The following FAF1 variants were observed in gnomAD, a reference collection of about 807,000 sequenced individuals.
The protein encoded by FAF1 is Fas associated factor 1, also known as FAS-associated factor 1.
FAF1 carries 25 observed loss-of-function variants against 92.5 expected under a neutral mutation model. That is an observed-to-expected ratio of 0.27 (90% CI 0.20 to 0.38). FAF1 has a LOEUF of 0.38. Among genes scored for constraint, FAF1 ranks in the 10% least tolerant of loss-of-function variants. FAF1 has a pLI of 1.00. For synonymous variants in FAF1, 234 were observed against 273.2 expected (o/e 0.86, Z 1.42); for missense variants, 636 against 793.3 (o/e 0.80, Z 2.38).
intron 2 of FAF1, among the ~76,000 whole-genome samples, chr1:50,851,081 A>AT (rs57980948): frequency 0.12 from 15,639 of 135,416 alleles, 1,118 homozygotes; most frequent in South Asian, 0.27. Context: ...AGCAATTTAC[A>AT]TTTTTTTTTT....
At chr1:50,827,613 A>G (rs1644113648) in intron 2 of FAF1, among the ~76,000 whole-genome samples, 3 of 152,080 alleles carry the variant, frequency 2.0e-5, no homozygotes, top group South Asian at 2.1e-4. Flanking sequence ...AGAAACACCC[A>G]AGAATGATCA....
intron 7 of FAF1, among the ~76,000 whole-genome samples, chr1:50,661,172 T>A (rs1435146394): frequency 6.6e-6 from 1 of 152,168 alleles, no homozygotes; most frequent in East Asian, 1.9e-4. Context: ...TTTATTATAC[T>A]TTTTAAAAAA....
chr1:50,673,281 GA>G (rs1655979816), intron 7 of FAF1, among the ~76,000 whole-genome samples: 1 of 151,306 alleles, frequency 6.6e-6, no homozygotes, highest in Non-Finnish European at 1.5e-5. Flanking sequence ...AAAGAAAAAA[GA>G]AAATGCATAA....
At chr1:50,928,829 G>A (rs1224711574) in intron 1 of FAF1, among the ~76,000 whole-genome samples, 3 of 149,432 alleles carry the variant, frequency 2.0e-5, no homozygotes, top group African/African-American at 7.4e-5. Flanking sequence ...AGGCACAGTG[G>A]CGCATGCCTG....
At chr1:50,607,765 T>C (rs1436174672) in intron 8 of FAF1, among the ~76,000 whole-genome samples, 1 of 152,224 alleles carries the variant, frequency 6.6e-6, no homozygotes, top group African/African-American at 2.4e-5. Context: ...GTCAATCATA[T>C]CCAGTGACAC....
intron 7 of FAF1, among the ~76,000 whole-genome samples, chr1:50,702,394 A>G (rs918692713): frequency 2.6e-5 from 4 of 152,098 alleles, no homozygotes; most frequent in African/African-American, 9.7e-5. Context: ...GAAACTCACA[A>G]TTTTAAAGTG....
chr1:50,908,855 G>C (rs997170284), intron 1 of FAF1, among the ~76,000 whole-genome samples: 1 of 152,098 alleles, frequency 6.6e-6, no homozygotes, highest in Non-Finnish European at 1.5e-5. Context: ...CTTTTAATTG[G>C]AGCATTTAGC....
intron 4 of FAF1, among the ~76,000 whole-genome samples, chr1:50,767,073 C>A (rs1660603510): frequency 6.6e-6 from 1 of 151,918 alleles, no homozygotes; most frequent in African/African-American, 2.4e-5. Flanking sequence ...CTAAGGAATA[C>A]AATAAAATGA....
At chr1:50,517,310 C>A (rs1647252749) in intron 15 of FAF1, among the ~76,000 whole-genome samples, 1 of 152,052 alleles carries the variant, frequency 6.6e-6, no homozygotes, top group South Asian at 2.1e-4. Context: ...AGTAACAACA[C>A]AAAAGGCCTG....
chr1:50,584,756 G>C lies in FAF1; in HGVS notation c.896C>G (p.Ala299Gly). 6.2e-7 allele frequency: 1 copy of C among 1,613,514 alleles called. No individual in the cohort carries two copies. Among genetic ancestry groups the C allele is most frequent in the Non-Finnish European group, 8.5e-7 (1 of 1,179,570 alleles). The change falls in exon 10 of 19, where the codon GCT (alanine) becomes GGT (glycine). Residue 299 changes from alanine to glycine, a missense_variant. By Grantham distance (60) the Ala-to-Gly change is moderately conservative. Transcript: ENST00000396153. ...SDSDGDDFED[A>G]TEFGVDDGEV... ...TCCATCATCCACCCCAAATTCTGTAGCATCTTCAAAGTCATCTCCATCGCT... is the reference window on the plus strand; with the variant it reads ...TCCATCATCCACCCCAAATTCTGTACCATCTTCAAAGTCATCTCCATCGCT...
intron 12 of FAF1, among the ~76,000 whole-genome samples, chr1:50,575,206 C>A (rs377069093): frequency 6.6e-6 from 1 of 152,090 alleles, no homozygotes; most frequent in Non-Finnish European, 1.5e-5. Context: ...CTGCGCCCAG[C>A]CAAATGGCAG....
chr1:50,597,425 T>C (rs1481907105), intron 8 of FAF1, among the ~76,000 whole-genome samples: 6 of 151,956 alleles, frequency 3.9e-5, no homozygotes, highest in Non-Finnish European at 7.4e-5. Flanking sequence ...GTGACCCTAG[T>C]GGTGATGATG....
chr1:50,721,464 C>T (rs917936252), intron 6 of FAF1, among the ~76,000 whole-genome samples: 2 of 152,058 alleles, frequency 1.3e-5, no homozygotes, highest in East Asian at 1.9e-4. Flanking sequence ...CCGCCTGCGT[C>T]GGCCTCCCAA....
At chr1:50,910,445 T>C (rs1287125069) in intron 1 of FAF1, among the ~76,000 whole-genome samples, 3 of 152,180 alleles carry the variant, frequency 2.0e-5, no homozygotes, top group Non-Finnish European at 2.9e-5. Flanking sequence ...CTGCAGAAGT[T>C]TCTGATGCCT....
intron 8 of FAF1, among the ~76,000 whole-genome samples, chr1:50,653,326 TG>T (rs1291631060): frequency 1.3e-5 from 2 of 152,132 alleles, no homozygotes; most frequent in Non-Finnish European, 2.9e-5. Context: ...TTTTTTTTTC[TG>T]GAAGTGTTTA....
chr1:50,554,194 G>GA (rs907627543), intron 13 of FAF1, among the ~76,000 whole-genome samples: 2 of 150,222 alleles, frequency 1.3e-5, no homozygotes, highest in African/African-American at 2.5e-5. Flanking sequence ...AAGATCATGG[G>GA]AAAAAAAGCA....
intron 2 of FAF1, among the ~76,000 whole-genome samples, chr1:50,807,825 T>C (rs1662266049): frequency 6.6e-6 from 1 of 152,154 alleles, no homozygotes; most frequent in South Asian, 2.1e-4. Context: ...GCAAGAAACA[T>C]GGAAAACATG....
chr1:50,753,283 G>C (rs1260318663), intron 4 of FAF1, among the ~76,000 whole-genome samples: 1 of 152,150 alleles, frequency 6.6e-6, no homozygotes, highest in Non-Finnish European at 1.5e-5. Context: ...ATGTATTCTG[G>C]ATTCTTTCAC....
intron 13 of FAF1, among the ~76,000 whole-genome samples, chr1:50,561,829 A>AGACGGATG (rs1362311371): frequency 7.0e-6 from 1 of 142,664 alleles, no homozygotes; most frequent in Non-Finnish European, 1.6e-5. Context: ...CATCTAGGAC[A>AGACGGATG]GACGGATGGA....
Sources: allele counts gnomAD v4.1 joint callset (sites outside exome capture counted in the v4.1 genomes callset), GRCh38; gene constraint gnomAD v4.1.1; transcripts MANE v1.5; gene names NCBI Gene and HGNC (gene_info 2026-07-23, HGNC 2026-07-21).